Variants in CLDN18 observed in about 807,000 individuals in gnomAD.
The protein encoded by CLDN18 is claudin-18.
A neutral mutation model predicts 25.0 loss-of-function variants in CLDN18; 20 were observed. The ratio of observed to expected loss-of-function variants is 0.80; its 90% CI spans 0.56 to 1.16. The LOEUF is 1.16. Among genes scored for constraint, CLDN18 ranks in the 50% most tolerant of loss-of-function variants. The pLI is 0.00. For synonymous variants in CLDN18, 125 were observed against 135.6 expected, an observed-to-expected ratio of 0.92 and a Z score of 0.54; for missense variants, 297 against 345.4, an observed-to-expected ratio of 0.86 and a Z score of 1.11.
chr3:138,010,468 T>C (rs753279758), intron 1 of CLDN18, 23 bp downstream of exon 1: 43 of 1,612,106 alleles, frequency 2.7e-5, no homozygotes, highest in Non-Finnish European at 3.5e-5. Context: ...CACCCCGGGG[T>C]AGAGCCAGGT....
chr3:138,016,484 G>A (rs971842202), intron 1 of CLDN18, among the ~76,000 whole-genome samples: 13 of 152,232 alleles, frequency 8.5e-5, no homozygotes, highest in African/African-American at 3.1e-4. Flanking sequence ...CCTGGAAACA[G>A]TAGAAGGGAT....
At chr3:138,009,929 G>C (rs1942111760), upstream of CLDN18, 1 of 374,092 alleles carries the variant, frequency 2.7e-6, no homozygotes, top group South Asian at 3.9e-5. Flanking sequence ...GAGGGAGGCC[G>C]GTCTGGCCCG....
rs769890456 is a variant in CLDN18 at position 138,024,722 on chromosome 3, C to G, written c.501C>G (p.Thr167=). 6.5e-7 allele frequency: 1 copy of G among 1,544,350 alleles called. No individual in the cohort carries two copies. ...GMGGMVQTVQ[T]RYTFGAALFV... is the part of the protein sequence containing the mutation. ...GTGGGATGGTGCAGACTGTTCAGAC[C>G]AGGTAACCTCCTAATCTAGGTCTCG... The change falls in exon 3 of 5, where the codon ACC becomes ACG. Residue 167 remains threonine (T), a splice_region_variant and synonymous_variant. Transcript: ENST00000183605.
intron 1 of CLDN18, among the ~76,000 whole-genome samples, chr3:138,004,258 A>G (rs1400612406): frequency 1.3e-5 from 2 of 152,220 alleles, no homozygotes; most frequent in East Asian, 3.8e-4. Flanking sequence ...TAGGTGAGGA[A>G]ACAGGCACAA....
chr3:138,020,562 T>C (rs1003150381), intron 1 of CLDN18, among the ~76,000 whole-genome samples: 5 of 152,196 alleles, frequency 3.3e-5, no homozygotes, highest in African/African-American at 1.2e-4. Context: ...TGCTTTATGA[T>C]ACATACACAC....
intron 1 of CLDN18, among the ~76,000 whole-genome samples, chr3:138,022,333 C>G (rs1473268676): frequency 6.6e-6 from 1 of 152,188 alleles, no homozygotes; most frequent in African/African-American, 2.4e-5. Flanking sequence ...GTCAATATTA[C>G]TACTCAAAGT....
chr3:138,007,975 T>A (rs1942087358), upstream of CLDN18, among the ~76,000 whole-genome samples: 1 of 152,198 alleles, frequency 6.6e-6, no homozygotes, highest in Non-Finnish European at 1.5e-5. Flanking sequence ...TTAGGCTTTC[T>A]GGCTCATGCT....
rs576521499 is a variant in CLDN18, at chr3:138,031,162, C to G, written c.*21C>G. The G allele has an allele frequency of 6.4e-7, 1 of 1,570,390 alleles. No homozygotes were observed. The highest frequency in any genetic ancestry group is 1.2e-5 in the South Asian group (1 of 85,162). On this transcript the variant is annotated 3_prime_UTR_variant, in exon 5 of 5. Transcript: ENST00000183605. The stretch of plus-strand genomic sequence containing the variant: ...TGTAATGCTCTAAGACCTCTCAGCA[C>G]GGGCGGAAGAAACTCCCGGAGAGCT...
chr3:138,021,905 A>G (rs10513047), intron 1 of CLDN18, among the ~76,000 whole-genome samples: 16,871 of 152,224 alleles, frequency 0.11, 1,044 homozygotes, highest in Non-Finnish European at 0.12. Context: ...AGTTAGAACC[A>G]CTTGATTTCA....
At chr3:138,019,384 C>G (rs776166280) in intron 1 of CLDN18, among the ~76,000 whole-genome samples, 2 of 152,176 alleles carry the variant, frequency 1.3e-5, no homozygotes, top group Non-Finnish European at 2.9e-5. Flanking sequence ...CTGAGCTCCC[C>G]GACTTTGGGC....
At chr3:138,023,160 A>G (rs753245620) in intron 1 of CLDN18, among the ~76,000 whole-genome samples, 7 of 152,366 alleles carry the variant, frequency 4.6e-5, no homozygotes, top group Non-Finnish European at 7.3e-5. Flanking sequence ...TGACTTCATC[A>G]TATGCAATAA....
chr3:138,014,623 T>C (rs1412658771), intron 1 of CLDN18, among the ~76,000 whole-genome samples: 1 of 152,066 alleles, frequency 6.6e-6, no homozygotes, highest in Non-Finnish European at 1.5e-5. Flanking sequence ...GTTCTGCCTA[T>C]CTGAGTTGAG....
At chr3:138,003,828 T>C (rs1559802831) in intron 1 of CLDN18, among the ~76,000 whole-genome samples, 1 of 152,176 alleles carries the variant, frequency 6.6e-6, no homozygotes, top group African/African-American at 2.4e-5. Context: ...TAAAAAAATT[T>C]TTTAAAGAAA....
intron 1 of CLDN18, among the ~76,000 whole-genome samples, chr3:138,014,731 A>G (rs985352678): frequency 7.9e-5 from 12 of 152,210 alleles, no homozygotes; most frequent in Admixed American, 5.9e-4. Context: ...GTGGCCTTCA[A>G]GAAGACTGTG....
chr3:138,019,399 C>CCAT (rs1231123966), intron 1 of CLDN18, among the ~76,000 whole-genome samples: 1 of 152,192 alleles, frequency 6.6e-6, no homozygotes, highest in Non-Finnish European at 1.5e-5. Context: ...TTGGGCTCCT[C>CCAT]CATTAGCCCT....
intron 1 of CLDN18, 59 bp from the exon 2 acceptor site, chr3:138,023,599 A>T: frequency 6.4e-7 from 1 of 1,553,342 alleles, no homozygotes; most frequent in Non-Finnish European, 8.8e-7. Flanking sequence ...ACCACAGCCT[A>T]ATCAAGTGTG....
At chr3:138,022,578 C>T (rs75760642) in intron 1 of CLDN18, among the ~76,000 whole-genome samples, 2,137 of 152,208 alleles carry the variant, frequency 0.014, 38 homozygotes, top group African/African-American at 0.048. Flanking sequence ...TCAGAAATCA[C>T]GGACTTAAGA....
At chr3:138,019,244 T>C (rs1225503064) in intron 1 of CLDN18, among the ~76,000 whole-genome samples, 1 of 152,192 alleles carries the variant, frequency 6.6e-6, no homozygotes, top group Non-Finnish European at 1.5e-5. Context: ...TGGTATCACA[T>C]TGTTCTGTAG....
intron 1 of CLDN18, among the ~76,000 whole-genome samples, chr3:138,023,093 T>C (rs998065369): frequency 2.0e-5 from 3 of 152,264 alleles, no homozygotes; most frequent in African/African-American, 7.2e-5. Context: ...ATAATCTTAG[T>C]AGTTCCTTCT....
Sources: allele counts gnomAD v4.1 joint callset (sites outside exome capture counted in the v4.1 genomes callset), GRCh38; gene constraint gnomAD v4.1.1; transcripts MANE v1.5; gene names NCBI Gene and HGNC (gene_info 2026-07-23, HGNC 2026-07-21).